The following CYRIA variants were observed in gnomAD, a reference collection of about 807,000 sequenced individuals.
CYRIA encodes the protein CYFIP related Rac1 interactor A, also known as CYFIP-related Rac1 interactor A.
In CYRIA, 15 loss-of-function variants were observed where a neutral mutation model predicts 43.9. The ratio of observed to expected loss-of-function variants is 0.34; its 90% CI spans 0.23 to 0.53. The LOEUF (loss-of-function observed/expected upper bound fraction) is 0.53, where lower values mean the gene tolerates loss of function less well. Ranked by LOEUF, CYRIA falls within the 20% of genes least tolerant of loss-of-function variation. The probability of loss-of-function intolerance (pLI) is 0.94; values close to 1 mark genes in which losing one functional copy is unlikely to be tolerated. For synonymous variants in CYRIA, 117 were observed against 136.0 expected (o/e 0.86, Z 0.97); for missense variants, 236 against 394.2 (o/e 0.60, Z 3.40).
intron 6 of CYRIA, 52 bp from the exon 7 acceptor site, chr2:16,561,585 A>G: frequency 4.3e-6 from 6 of 1,385,020 alleles, no homozygotes; most frequent in Non-Finnish European, 6.2e-6. Context: ...CAGATGGGGT[A>G]TATGCATTAG....
At position 16,552,854 on chromosome 2, in the gene CYRIA, A is replaced by G. The variant is rs559615335; in HGVS notation, c.*82T>C. On this transcript the variant is annotated 3_prime_UTR_variant, in exon 12 of 12. Transcript: ENST00000381323. ...GAAACGGTTATGTAAATACACAAGT[A>G]TTAACATCAATCTGTATTAAATTAT... 1 of 898,904 alleles carries G rather than the reference A, an allele frequency of 1.1e-6. No homozygotes were observed. Among genetic ancestry groups the G allele is most frequent in the Non-Finnish European group, 1.9e-6 (1 of 536,330 alleles). 55.7% of individuals were successfully genotyped at this position (898,904 alleles called of 1,614,324 possible).
At chr2:16,634,063 G>A (rs1669417626) in intron 1 of CYRIA, among the ~76,000 whole-genome samples, 2 of 152,146 alleles carry the variant, frequency 1.3e-5, no homozygotes, top group Non-Finnish European at 2.9e-5. Context: ...ACATGACACT[G>A]AGTCATGGTC....
At chr2:16,559,651 C>A in intron 9 of CYRIA, 65 bp from the exon 10 acceptor site, 1 of 1,568,650 alleles carries the variant, frequency 6.4e-7, no homozygotes, top group Non-Finnish European at 8.6e-7. Flanking sequence ...TTTGGCCCCA[C>A]AACTGGATAC....
Position 16,565,685 on chromosome 2 carries a change from G to T in CYRIA, c.153C>A (p.Asp51Glu), listed in dbSNP as rs760305450. 247 of 1,592,602 alleles carry T rather than the reference G, an allele frequency of 1.6e-4. No individual in the cohort carries two copies. Among genetic ancestry groups the T allele is most frequent in the Non-Finnish European group, 2.0e-4 (237 of 1,163,474 alleles). ...VLQDSESILA[D>E]LQAYKGAGPE... ...GGCCTGCGCCTTTGTAAGCCTGCAG[G>T]TCTGCAAGGATGCTCTCAGAATCCT... The change falls in exon 4 of 12, where the codon GAC becomes GAA. Residue 51 changes from aspartate (D) to glutamate (E), a missense_variant. Transcript: ENST00000381323.
chr2:16,658,908 G>A (rs1572209843), intron 1 of CYRIA, among the ~76,000 whole-genome samples: 1 of 152,144 alleles, frequency 6.6e-6, no homozygotes, highest in Non-Finnish European at 1.5e-5. Context: ...CTGTACCAAG[G>A]AAGGGCCTGA....
intron 2 of CYRIA, among the ~76,000 whole-genome samples, chr2:16,593,688 GTGTGTGTGTGTTTTTTTT>G (rs1434411463): frequency 1.1e-4 from 13 of 117,046 alleles, no homozygotes; most frequent in South Asian, 2.9e-4. Context: ...TTATTTTTTT[GTGTGTGTGTGTTTTTTTT>G]TGTGTGTGTG....
At chr2:16,649,937 A>G (rs890759026) in intron 1 of CYRIA, among the ~76,000 whole-genome samples, 1 of 152,330 alleles carries the variant, frequency 6.6e-6, no homozygotes. Flanking sequence ...AAAATAGAAT[A>G]AAGAAAGCCA....
intron 9 of CYRIA, chr2:16,560,679 T>C (rs1004559758): frequency 7.8e-6 from 3 of 386,896 alleles, no homozygotes; most frequent in African/African-American, 4.0e-5. Flanking sequence ...TGATGTCCCA[T>C]CATTTAACAC....
rs372387280 is a variant in CYRIA, at chr2:16,559,623, G to C, written c.711-37C>G. ...GAAACAGCAGTGGCGTCACTTCCTT[G>C]TCAGAACATGTGCGTTCTTTGGCCC... On this transcript the variant is annotated intron_variant, in intron 9 of 11. Coordinates refer to ENST00000381323, the MANE Select transcript of CYRIA (RefSeq NM_030797.4). 4 of 1,603,320 alleles carry C rather than the reference G, an allele frequency of 2.5e-6. No homozygotes were observed. The African/African-American group carries it at 5.4e-5, about 21-fold the overall frequency.
rs1418099042 is a variant in CYRIA at position 16,617,839 on chromosome 2, T to C, written c.-11+6025A>G. On this transcript the variant is annotated intron_variant, in intron 2 of 11. Coordinates refer to ENST00000381323, the MANE Select transcript of CYRIA (RefSeq NM_030797.4). ...GGTATCTTAAAGACAAGTTCAGAGATGGAAGAAGCTGCATGATCAAGCCCA... is the reference window on the plus strand; with the variant it reads ...GGTATCTTAAAGACAAGTTCAGAGACGGAAGAAGCTGCATGATCAAGCCCA... Among the ~76,000 whole-genome samples the C allele has an allele frequency of 3.3e-5, 5 of 152,164 alleles. No individual in the cohort carries two copies. In the East Asian group the frequency reaches 5.8e-4, roughly 18 times the overall value.
intron 1 of CYRIA, among the ~76,000 whole-genome samples, chr2:16,632,940 G>A (rs1558435953): frequency 6.6e-6 from 1 of 152,174 alleles, no homozygotes. Flanking sequence ...CAATAGCACA[G>A]GGCTGCAGGA....
intron 1 of CYRIA, among the ~76,000 whole-genome samples, chr2:16,647,738 T>C (rs1669858680): frequency 6.6e-6 from 1 of 152,200 alleles, no homozygotes; most frequent in South Asian, 2.1e-4. Context: ...CAGTCCACAT[T>C]TTTCCTTCAG....
chr2:16,578,389 C>A (rs1667427716), intron 3 of CYRIA, among the ~76,000 whole-genome samples: 1 of 152,000 alleles, frequency 6.6e-6, no homozygotes, highest in African/African-American at 2.4e-5. Context: ...GAAAATATCA[C>A]CAGAAAAGTA....
Position 16,574,194 on chromosome 2 carries a change from G to C in CYRIA, c.71-8427C>G, listed in dbSNP as rs575357782. 2.5e-3 allele frequency among the ~76,000 whole-genome samples: 377 copies of C among 152,288 alleles called. 3 individuals are homozygous for C. Among genetic ancestry groups the C allele is most frequent in the Non-Finnish European group, 1.5e-3 (102 of 68,012 alleles). On this transcript the variant is annotated intron_variant, in intron 3 of 11. Coordinates refer to ENST00000381323, the MANE Select transcript of CYRIA (RefSeq NM_030797.4). ...TTAGCAAAAAGGCTGGCAGCATTTT[G>C]CCCCTGCCCCAGAGATTTATGGAAT...
In CYRIA at chr2:16,602,726, G is replaced by A. The variant is rs114434680; in HGVS notation, c.-10-14597C>T. Among the ~76,000 whole-genome samples, 1,082 of 152,196 alleles carry A rather than the reference G, an allele frequency of 7.1e-3. 13 individuals carry two copies. Among genetic ancestry groups the A allele is most frequent in the African/African-American group, 0.025 (1,025 of 41,494 alleles). Reference sequence around the variant, plus strand: ...GGGTCCAAGAATCCACAGCACATTAGGGTCAAAGAAGGGACTAGAAGAGAG... The same window carrying A: ...GGGTCCAAGAATCCACAGCACATTAAGGTCAAAGAAGGGACTAGAAGAGAG... On this transcript the variant is annotated intron_variant, in intron 2 of 11. Coordinates refer to ENST00000381323, the MANE Select transcript of CYRIA (RefSeq NM_030797.4).
chr2:16,655,122 C>A (rs1670075444), intron 1 of CYRIA, among the ~76,000 whole-genome samples: 1 of 152,160 alleles, frequency 6.6e-6, no homozygotes, highest in South Asian at 2.1e-4. Context: ...GCACTCCATC[C>A]ACACCCGTAC....
intron 1 of CYRIA, among the ~76,000 whole-genome samples, chr2:16,663,843 G>T (rs184997762): frequency 1.0e-3 from 157 of 152,188 alleles, no homozygotes; most frequent in Non-Finnish European, 1.7e-3. Context: ...TATAGTGTGG[G>T]TTTAGGCAGC....
At position 16,621,977 on chromosome 2, in the gene CYRIA, C is replaced by T. The variant is rs141809924; in HGVS notation, c.-11+1887G>A. ...CTGTATCCCTAGCACCAAGATAGTG[C>T]GAGCCACCCACTGCATGGTTCATGT... On this transcript the variant is annotated intron_variant, in intron 2 of 11. Coordinates refer to ENST00000381323, the MANE Select transcript of CYRIA (RefSeq NM_030797.4). 1.7e-3 allele frequency among the ~76,000 whole-genome samples: 252 copies of T among 152,230 alleles called. 7 individuals are homozygous for T. The highest frequency in any genetic ancestry group is 0.014 in the East Asian group (72 of 5,176).
At chr2:16,583,508 A>G (rs759065286) in intron 3 of CYRIA, among the ~76,000 whole-genome samples, 8 of 152,170 alleles carry the variant, frequency 5.3e-5, no homozygotes, top group Non-Finnish European at 1.0e-4. Context: ...GTAACCATAT[A>G]AAAAGAAGGT....
Sources: gnomAD v4.1 joint callset for allele counts (sites outside exome capture counted in the v4.1 genomes callset) on GRCh38, gnomAD v4.1.1 for gene constraint, MANE v1.5 for transcripts, NCBI Gene and HGNC (gene_info 2026-07-23, HGNC 2026-07-21) for gene names.